ZNF423: variants seen among roughly 807,000 people sequenced by gnomAD.
ZNF423 encodes Ebf-associated zinc finger protein.
In ZNF423, 12 loss-of-function variants were observed where a neutral mutation model predicts 95.8. The observed-to-expected ratio is 0.13, with a 90% CI of 0.08 to 0.20. ZNF423 has a LOEUF of 0.20. ZNF423 is among the 10% of genes least tolerant of loss of function. ZNF423 has a pLI of 1.00. For synonymous variants in ZNF423, 749 were observed against 711.9 expected, an observed-to-expected ratio of 1.05 and a Z score of -0.83; for missense variants, 1,316 against 1,737.1, an observed-to-expected ratio of 0.76 and a Z score of 4.31.
rs1180057618 is a variant in ZNF423 at position 49,490,291 on chromosome 16, AC to A, written c.*983del. 1 of 152,288 alleles carries A rather than the reference AC, an allele frequency of 6.6e-6. No individual in the cohort carries two copies. The highest frequency in any genetic ancestry group is 1.5e-5 in the Non-Finnish European group (1 of 68,058). 9.4% of individuals were successfully genotyped at this position (152,288 alleles called of 1,614,324 possible). A position where few individuals can be genotyped will look rare whatever the true frequency, so the allele number is the denominator to read the frequency against. On this transcript the variant is annotated 3_prime_UTR_variant, in exon 8 of 8. Coordinates refer to ENST00000563137, the MANE Select transcript of ZNF423 (RefSeq NM_001379286.1). The stretch of plus-strand genomic sequence containing the variant: ...AGAAGACTTCACAATCAGCATGGTG[AC>A]CAACCTGCTGCGTGGCCTTGGGAAA...
chr16:49,807,165 C>T (rs1409622412), intron 1 of ZNF423, among the ~76,000 whole-genome samples: 1 of 152,194 alleles, frequency 6.6e-6, no homozygotes, highest in Non-Finnish European at 1.5e-5. Context: ...GGGGCGGTGG[C>T]TCACGCCTGT....
At chr16:49,801,971 C>T (rs2034589447) in intron 1 of ZNF423, among the ~76,000 whole-genome samples, 1 of 152,044 alleles carries the variant, frequency 6.6e-6, no homozygotes, top group African/African-American at 2.4e-5. Flanking sequence ...ACTTCAGCCC[C>T]CCAAGTAGCT....
In ZNF423 at chr16:49,537,320, G is replaced by T; in HGVS notation, c.3602-11826C>A. On this transcript the variant is annotated intron_variant, in intron 5 of 7. Transcript: ENST00000563137. ...CACTACTGAGTTGCCTTTTAAGCCG[G>T]CTGAGCCCTGTGGCTCATCGAGGAA... Among the ~76,000 whole-genome samples, 2 of 152,172 alleles carry T rather than the reference G, an allele frequency of 1.3e-5. 1 individual carries two copies. The highest frequency in any genetic ancestry group is 2.9e-5 in the Non-Finnish European group (2 of 68,036).
chr16:49,567,359 G>A (rs183477869), intron 5 of ZNF423, among the ~76,000 whole-genome samples: 1 of 152,326 alleles, frequency 6.6e-6, no homozygotes, highest in East Asian at 1.9e-4. Context: ...AGCTGCCACT[G>A]CGATGCTCCC....
intron 7 of ZNF423, among the ~76,000 whole-genome samples, chr16:49,501,855 G>A (rs1376678093): frequency 6.8e-6 from 1 of 147,254 alleles, no homozygotes; most frequent in Non-Finnish European, 1.5e-5. Flanking sequence ...AAAGTTGGGA[G>A]CAATAGAAAC....
chr16:49,855,104 C>T lies in ZNF423; in HGVS notation c.40+631G>A, dbSNP rs2035345854. Reference sequence around the variant, plus strand: ...GCCTCGGTGGAGGAGGCAGGAAGTGCAGGGGCCCGGGCCGGGAGAAGGCCT... The same window carrying T: ...GCCTCGGTGGAGGAGGCAGGAAGTGTAGGGGCCCGGGCCGGGAGAAGGCCT... On this transcript the variant is annotated intron_variant, in intron 1 of 7. Coordinates refer to ENST00000563137, the MANE Select transcript of ZNF423 (RefSeq NM_001379286.1). This position sits in a 1 kb window ranked among gnomAD's most constrained non-coding sequence, Gnocchi z 4.7. 1.1e-6 allele frequency: 1 copy of T among 948,626 alleles called. No individual in the cohort carries two copies. Among genetic ancestry groups the T allele is most frequent in the East Asian group, 1.2e-4 (1 of 8,472 alleles). The allele number at this position is 948,626 out of a possible 1,614,324, so 58.8% of individuals were successfully genotyped here.
chr16:49,498,532 G>T (rs1211945676), intron 7 of ZNF423, among the ~76,000 whole-genome samples: 1 of 152,208 alleles, frequency 6.6e-6, no homozygotes, highest in Non-Finnish European at 1.5e-5. Context: ...GCCATGGGGA[G>T]CCATGGAAGG....
intron 2 of ZNF423, among the ~76,000 whole-genome samples, chr16:49,778,166 G>A (rs2034151041): frequency 6.6e-6 from 1 of 152,166 alleles, no homozygotes; most frequent in African/African-American, 2.4e-5. Context: ...AGATAGCCAG[G>A]TTCAGCATAA....
At chr16:49,677,228 A>AAAGGAGAAGAGAAGAGAAGAG (rs2031092012) in intron 3 of ZNF423, among the ~76,000 whole-genome samples, 1 of 57,100 alleles carries the variant, frequency 1.8e-5, no homozygotes, top group East Asian at 5.6e-4. Context: ...AGAAACAAGA[A>AAAGGAGAAGAGAAGAGAAGAG]AAGAGAAGAG....
At chr16:49,667,102 T>C (rs1415264329) in intron 3 of ZNF423, among the ~76,000 whole-genome samples, 1 of 152,178 alleles carries the variant, frequency 6.6e-6, no homozygotes, top group Non-Finnish European at 1.5e-5. Flanking sequence ...GTCAGCCAGA[T>C]CTTGTTGAAA....
At chr16:49,602,680 G>A (rs1971412967) in intron 5 of ZNF423, among the ~76,000 whole-genome samples, 1 of 152,212 alleles carries the variant, frequency 6.6e-6, no homozygotes, top group South Asian at 2.1e-4. Context: ...CAGCAGCCAT[G>A]CGTTTCCAGC....
At chr16:49,569,049 G>A (rs905952737) in intron 5 of ZNF423, among the ~76,000 whole-genome samples, 10 of 152,010 alleles carry the variant, frequency 6.6e-5, no homozygotes, top group East Asian at 1.9e-4. Context: ...GAAAACCCCC[G>A]CCTCTAAAGA....
intron 1 of ZNF423, among the ~76,000 whole-genome samples, chr16:49,817,346 TCCCC>T (rs2034871839): frequency 6.6e-6 from 1 of 152,292 alleles, no homozygotes; most frequent in East Asian, 1.9e-4. Flanking sequence ...ATGAAGTCTT[TCCCC>T]AAAAGGCATT....
At chr16:49,749,998 G>T (rs1397909390) in intron 2 of ZNF423, among the ~76,000 whole-genome samples, 4 of 152,210 alleles carry the variant, frequency 2.6e-5, no homozygotes, top group African/African-American at 9.7e-5. Context: ...GATGGAAAGG[G>T]CCATGTGGTG....
chr16:49,519,639 C>T (rs968676227), intron 7 of ZNF423, among the ~76,000 whole-genome samples: 3 of 152,104 alleles, frequency 2.0e-5, no homozygotes, highest in East Asian at 1.9e-4. Flanking sequence ...GTGCTTTATT[C>T]GATATGTGAT....
chr16:49,647,420 A>G (rs185066252), intron 3 of ZNF423, among the ~76,000 whole-genome samples: 1 of 152,330 alleles, frequency 6.6e-6, no homozygotes, highest in Non-Finnish European at 1.5e-5. Flanking sequence ...AACTTCCAAA[A>G]CATATGAATA....
chr16:49,761,388 C>T (rs1404312145), intron 2 of ZNF423, among the ~76,000 whole-genome samples: 1 of 152,250 alleles, frequency 6.6e-6, no homozygotes, highest in Non-Finnish European at 1.5e-5. Flanking sequence ...CTTCACCCTA[C>T]ACACAGATCC....
At chr16:49,760,540 C>A (rs2033810624) in intron 2 of ZNF423, among the ~76,000 whole-genome samples, 1 of 152,020 alleles carries the variant, frequency 6.6e-6, no homozygotes, top group Admixed American at 6.6e-5. Context: ...TGAAGAAAAA[C>A]CAACTGTGCT....
chr16:49,501,207 TGCA>T (rs1230359376), intron 7 of ZNF423, among the ~76,000 whole-genome samples: 4 of 152,142 alleles, frequency 2.6e-5, no homozygotes, highest in Admixed American at 2.0e-4. Context: ...CATGGACAAG[TGCA>T]GCACAGGCCA....
Sources: gnomAD v4.1 joint callset for allele counts (sites outside exome capture counted in the v4.1 genomes callset) on GRCh38, gnomAD v4.1.1 for gene constraint, Gnocchi (gnomAD v3.1) non-coding constraint, MANE v1.5 for transcripts, NCBI Gene and HGNC (gene_info 2026-07-23, HGNC 2026-07-21) for gene names.